Variants in CCR6 observed in about 807,000 individuals in gnomAD.
The protein encoded by CCR6 is C-C motif chemokine receptor 6, also known as C-C chemokine receptor type 6.
Under a neutral mutation model 3.0 loss-of-function variants are expected in CCR6, and 2 were observed. The observed-to-expected ratio is 0.66, with a 90% CI of 0.27 to 2.07. The LOEUF is 2.07. Ranked by LOEUF, CCR6 falls within the 30% of genes most tolerant of loss-of-function variation. CCR6 has a pLI of 0.14. For synonymous variants in CCR6, 193 were observed against 184.3 expected, an observed-to-expected ratio of 1.05 and a Z score of -0.38; for missense variants, 322 against 462.8, an observed-to-expected ratio of 0.70 and a Z score of 2.79.
At chr6:167,135,470 C>T (rs376909123) in intron 1 of CCR6, among the ~76,000 whole-genome samples, 3 of 152,234 alleles carry the variant, frequency 2.0e-5, no homozygotes, top group Admixed American at 6.5e-5. Context: ...GTCTTGAGAA[C>T]AGCACTCATA....
At chr6:167,127,949 G>A (rs1713093922) in intron 1 of CCR6, among the ~76,000 whole-genome samples, 1 of 152,190 alleles carries the variant, frequency 6.6e-6, no homozygotes, top group African/African-American at 2.4e-5. Context: ...TCATATTCAC[G>A]TTGGCTGTCA....
chr6:167,118,478 G>C (rs61357184), upstream of CCR6, among the ~76,000 whole-genome samples: 1 of 151,970 alleles, frequency 6.6e-6, no homozygotes, highest in Non-Finnish European at 1.5e-5. Context: ...CTCTTAGACC[G>C]GTTTCTATAA....
At chr6:167,132,040 T>C (rs1266843748) in intron 1 of CCR6, among the ~76,000 whole-genome samples, 1 of 152,140 alleles carries the variant, frequency 6.6e-6, no homozygotes, top group Non-Finnish European at 1.5e-5. Flanking sequence ...CCTGCCACTG[T>C]TATTTTGCCT....
intron 1 of CCR6, among the ~76,000 whole-genome samples, chr6:167,128,078 C>T (rs530589842): frequency 3.3e-5 from 5 of 152,344 alleles, no homozygotes; most frequent in South Asian, 2.1e-4. Flanking sequence ...TTTCTTCTCC[C>T]GTCTCCAGGG....
chr6:167,137,779 A>T lies in CCR6; in HGVS notation c.*424A>T, dbSNP rs930767595. 2 of 163,782 alleles carry T rather than the reference A, an allele frequency of 1.2e-5. No homozygotes were observed. Among genetic ancestry groups the T allele is most frequent in the Non-Finnish European group, 2.7e-5 (2 of 74,028 alleles). 10.1% of individuals were successfully genotyped at this position (163,782 alleles called of 1,614,324 possible). A position where few individuals can be genotyped will look rare whatever the true frequency, so the allele number is the denominator to read the frequency against. ...AAAAAAAAATGGAAGCCAACACATC[A>T]CTCATTTTAGGCAAATGTTTAAACA... is the stretch of plus-strand genomic sequence containing the variant. On this transcript the variant is annotated 3_prime_UTR_variant, in exon 3 of 3. Transcript: ENST00000341935. This position sits in a 1 kb window ranked among gnomAD's most constrained non-coding sequence, Gnocchi z 4.6.
chr6:167,136,262 T>C lies in CCR6; in HGVS notation c.32T>C (p.Val11Ala), dbSNP rs766330428. MSGESMNFSD[V>A]FDSSEDYFVS... ...CAGGAATCAATGAATTTCAGCGATGTTTTCGACTCCAGTGAAGATTATTTT... is the reference window on the plus strand; with the variant it reads ...CAGGAATCAATGAATTTCAGCGATGCTTTCGACTCCAGTGAAGATTATTTT... The change falls in exon 3 of 3, where the codon GTT (valine) becomes GCT (alanine). Residue 11 changes from valine (V) to alanine (A), a missense_variant. Physicochemically the swap from Val to Ala is moderately conservative, Grantham distance 64. Coordinates refer to ENST00000341935, the MANE Select transcript of CCR6 (RefSeq NM_031409.4). This position sits in a 1 kb window ranked among gnomAD's most constrained non-coding sequence, Gnocchi z 4.6. The C allele has an allele frequency of 1.2e-6, 2 of 1,607,602 alleles. No individual in the cohort carries two copies. Among genetic ancestry groups the C allele is most frequent in the African/African-American group, 2.7e-5 (2 of 74,724 alleles).
chr6:167,122,568 C>T (rs944196992), upstream of CCR6, among the ~76,000 whole-genome samples: 7 of 152,216 alleles, frequency 4.6e-5, no homozygotes, highest in African/African-American at 9.6e-5. This position sits in a 1 kb window ranked among gnomAD's most constrained non-coding sequence, Gnocchi z 4.2. Flanking sequence ...CGCTGCTCCT[C>T]GGCTTCCGTG....
Position 167,138,773 on chromosome 6 carries a change from A to T in CCR6, c.*1418A>T, listed in dbSNP as rs949191837. ...GGCGAAACCCCTCTCTACTAAAAAT[A>T]CAAAAATTTGCCAGGCGTGGTGGCG... On this transcript the variant is annotated 3_prime_UTR_variant, in exon 3 of 3. Coordinates refer to ENST00000341935, the MANE Select transcript of CCR6 (RefSeq NM_031409.4). 6.6e-6 allele frequency: 1 copy of T among 152,192 alleles called. No homozygotes were observed. Among genetic ancestry groups the T allele is most frequent in the Non-Finnish European group, 1.5e-5 (1 of 68,066 alleles). The allele number at this position is 152,192 out of a possible 1,614,324, so 9.4% of individuals were successfully genotyped here. A position where few individuals can be genotyped will look rare whatever the true frequency, so the allele number is the denominator to read the frequency against.
rs73787940 is a variant in CCR6, at chr6:167,133,454, A to G, written c.-97-2584A>G. Among the ~76,000 whole-genome samples, 655 of 152,202 alleles carry G rather than the reference A, an allele frequency of 4.3e-3. 3 individuals carry two copies. The highest frequency in any genetic ancestry group is 0.014 in the African/African-American group (592 of 41,516). On this transcript the variant is annotated intron_variant, in intron 1 of 2. Transcript: ENST00000341935. ...GTCTGGCCTCTGTTCTGTTCCAGTG[A>G]TTTATGTAACTGTCCTTTCAGAAAT...
intron 1 of CCR6, among the ~76,000 whole-genome samples, chr6:167,128,354 C>T (rs1305667166): frequency 6.6e-6 from 1 of 152,238 alleles, no homozygotes; most frequent in Non-Finnish European, 1.5e-5. Flanking sequence ...TGCCTCCGCG[C>T]TCTATCTATT....
chr6:167,115,292 T>A (rs1481157861), intron 1 of CCR6: 1 of 152,264 alleles, frequency 6.6e-6, no homozygotes, highest in Non-Finnish European at 1.5e-5. Context: ...AGAGGCTTTC[T>A]GTGGTCCTCA....
rs41410346 is a variant in CCR6 at position 167,134,681 on chromosome 6, C to T, written c.-97-1357C>T. ...GAGGAGGGCAGTTCCACTTTCTCTGCCTGTGCACCTGGGGCTGCACTTCCC... is the reference window on the plus strand; with the variant it reads ...GAGGAGGGCAGTTCCACTTTCTCTGTCTGTGCACCTGGGGCTGCACTTCCC... On this transcript the variant is annotated intron_variant, in intron 1 of 2. Coordinates refer to ENST00000341935, the MANE Select transcript of CCR6 (RefSeq NM_031409.4). Among the ~76,000 whole-genome samples the T allele has an allele frequency of 9.2e-3, 1,401 of 152,318 alleles. 19 individuals carry two copies. The highest frequency in any genetic ancestry group is 0.032 in the African/African-American group (1,334 of 41,564).
chr6:167,118,073 C>T (rs1328485068), upstream of CCR6, among the ~76,000 whole-genome samples: 1 of 152,030 alleles, frequency 6.6e-6, no homozygotes, highest in African/African-American at 2.4e-5. Context: ...GCCCAACATC[C>T]CAGCAGTTCC....
chr6:167,114,858 T>C (rs1350029139), intron 1 of CCR6: 1 of 152,250 alleles, frequency 6.6e-6, no homozygotes, highest in Non-Finnish European at 1.5e-5. Context: ...TGAGGATGTC[T>C]TCACAGATCC....
intron 1 of CCR6, chr6:167,115,829 C>T (rs1781484648): frequency 1.3e-5 from 2 of 152,192 alleles, no homozygotes; most frequent in Admixed American, 1.3e-4. Context: ...CTTATACAAA[C>T]ACCATTATGA....
Position 167,137,434 on chromosome 6 carries a change from G to C in CCR6, c.*79G>C. On this transcript the variant is annotated 3_prime_UTR_variant, in exon 3 of 3. Coordinates refer to ENST00000341935, the MANE Select transcript of CCR6 (RefSeq NM_031409.4). The surrounding 1 kb of genome is among the most constrained non-coding windows in gnomAD (Gnocchi z 4.6). The stretch of plus-strand genomic sequence containing the variant: ...CAAAAAAAAGTCTATGGCCAGGTAT[G>C]CATGGAAAATGTGGGAATTAAGCAA... The C allele has an allele frequency of 1.4e-6, 2 of 1,417,764 alleles. No homozygotes were observed. The allele number at this position is 1,417,764 out of a possible 1,614,324, so 87.8% of individuals were successfully genotyped here. A position where few individuals can be genotyped will look rare whatever the true frequency, so the allele number is the denominator to read the frequency against.
At chr6:167,130,952 T>G (rs1215232196) in intron 1 of CCR6, among the ~76,000 whole-genome samples, 1 of 143,086 alleles carries the variant, frequency 7.0e-6, no homozygotes, top group East Asian at 2.1e-4. Flanking sequence ...CCCCCCTCCC[T>G]CCGGGACTCC....
upstream of CCR6, among the ~76,000 whole-genome samples, chr6:167,121,904 G>T (rs1305483508): frequency 1.3e-5 from 2 of 152,196 alleles, no homozygotes; most frequent in Admixed American, 6.5e-5. Context: ...CAGTAAGGGG[G>T]AGCCACTGGG....
intron 1 of CCR6, among the ~76,000 whole-genome samples, chr6:167,132,351 C>T (rs7451724): frequency 0.95 from 145,243 of 152,202 alleles, 69,662 homozygotes; most frequent in East Asian, 1. Context: ...TGCAGGTTCC[C>T]ATGGTGGATG....
Sources: gnomAD v4.1 joint callset for allele counts (sites outside exome capture counted in the v4.1 genomes callset) on GRCh38, gnomAD v4.1.1 for gene constraint, Gnocchi (gnomAD v3.1) non-coding constraint, MANE v1.5 for transcripts, NCBI Gene and HGNC (gene_info 2026-07-23, HGNC 2026-07-21) for gene names.